The following MIPOL1 variants were observed in gnomAD, a reference collection of about 807,000 sequenced individuals.
The protein encoded by MIPOL1 is mirror-image polydactyly 1.
In MIPOL1, 57 loss-of-function variants were observed where a neutral mutation model predicts 60.9. The observed-to-expected ratio is 0.94, with a 90% CI of 0.76 to 1.17. MIPOL1 has a LOEUF of 1.17. Ranked by LOEUF, MIPOL1 falls within the 50% of genes most tolerant of loss-of-function variation. MIPOL1 has a pLI of 0.00. For missense variants in MIPOL1, 551 were observed against 511.6 expected, an observed-to-expected ratio of 1.08 and a Z score of -0.74; for synonymous variants, 179 against 168.8, an observed-to-expected ratio of 1.06 and a Z score of -0.47.
intron 6 of MIPOL1, among the ~76,000 whole-genome samples, chr14:37,280,267 G>A (rs1467759283): frequency 1.3e-5 from 2 of 152,062 alleles, no homozygotes; most frequent in Non-Finnish European, 2.9e-5. Flanking sequence ...TGTGAGTAAT[G>A]CTGCAGTGAA....
intron 10 of MIPOL1, among the ~76,000 whole-genome samples, chr14:37,402,412 A>T (rs544321178): frequency 1.3e-5 from 2 of 152,138 alleles, no homozygotes; most frequent in Non-Finnish European, 2.9e-5. Flanking sequence ...TAGGAAAAAG[A>T]TGTGAAAGAC....
rs545654949 is a variant in MIPOL1, at chr14:37,408,070, A to T, written c.937-14785A>T. ...TTATTTTTTGTGGAGACAGGCTCTT[A>T]CTATGTTGCCTGGGCTGGTCTAAAC... On this transcript the variant is annotated intron_variant, in intron 10 of 12. Transcript: ENST00000684589. Among the ~76,000 whole-genome samples the T allele has an allele frequency of 3.2e-4, 49 of 151,416 alleles. No homozygotes were observed. The South Asian group carries it at 0.01, about 31-fold the overall frequency.
At chr14:37,361,999 G>A (rs146770316) in intron 9 of MIPOL1, among the ~76,000 whole-genome samples, 2 of 152,206 alleles carry the variant, frequency 1.3e-5, no homozygotes, top group African/African-American at 4.8e-5. Context: ...TTTGAGCTAT[G>A]TGTGTCTCTG....
intron 3 of MIPOL1, among the ~76,000 whole-genome samples, chr14:37,266,425 T>A (rs1216130593): frequency 6.6e-6 from 1 of 152,150 alleles, no homozygotes; most frequent in East Asian, 1.9e-4. Context: ...AAAATCTGAA[T>A]GACAAAAGTT....
intron 12 of MIPOL1, among the ~76,000 whole-genome samples, chr14:37,525,447 A>G (rs2153633438): frequency 6.6e-6 from 1 of 152,340 alleles, no homozygotes; most frequent in Admixed American, 6.5e-5. Flanking sequence ...GTACCATAGA[A>G]TATAATCAAT....
chr14:37,538,905 G>A (rs2095518132), intron 12 of MIPOL1, among the ~76,000 whole-genome samples: 1 of 152,184 alleles, frequency 6.6e-6, no homozygotes, highest in Admixed American at 6.5e-5. Flanking sequence ...TTCCAGGCAA[G>A]GCTTATAGAA....
intron 6 of MIPOL1, chr14:37,276,260 T>C (rs1193079210): frequency 6.6e-6 from 1 of 150,996 alleles, no homozygotes; most frequent in Non-Finnish European, 1.5e-5. Context: ...TAGACTGATA[T>C]TTTGTAAATT....
intron 11 of MIPOL1, among the ~76,000 whole-genome samples, chr14:37,472,336 T>C (rs2094700070): frequency 6.6e-6 from 1 of 152,132 alleles, no homozygotes; most frequent in African/African-American, 2.4e-5. Flanking sequence ...GCAAAAGTAA[T>C]TTTTGCAAAA....
intron 1 of MIPOL1, among the ~76,000 whole-genome samples, chr14:37,245,976 T>A (rs1239069265): frequency 6.6e-6 from 1 of 152,126 alleles, no homozygotes; most frequent in Non-Finnish European, 1.5e-5. Context: ...AGGATGCATT[T>A]TTGTGTAGTA....
At chr14:37,267,315 C>G (rs1353705863) in intron 4 of MIPOL1, 146 bp downstream of exon 4, 1 of 593,240 alleles carries the variant, frequency 1.7e-6, no homozygotes, top group Non-Finnish European at 3.0e-6. Context: ...TGGTGAAACC[C>G]TGTCTCTACT....
At chr14:37,447,480 A>G (rs1225990553) in intron 11 of MIPOL1, among the ~76,000 whole-genome samples, 1 of 152,166 alleles carries the variant, frequency 6.6e-6, no homozygotes, top group Non-Finnish European at 1.5e-5. Context: ...ATAGAACCAA[A>G]TTAGACTGGT....
Position 37,238,786 on chromosome 14 carries a change from C to CAAAAAA in MIPOL1, c.-198-8304_-198-8299dup, listed in dbSNP as rs778152612. ...GCAACACGGTGAAACCCCACTTCTA[C>CAAAAAA]AAAAAAAAAAAAAAAAAATTAGATG... On this transcript the variant is annotated intron_variant, in intron 1 of 12. Transcript: ENST00000684589. 1.4e-4 allele frequency among the ~76,000 whole-genome samples: 12 copies of CAAAAAA among 86,902 alleles called. No homozygotes were observed. In the South Asian group the frequency reaches 3.6e-3, roughly 26 times the overall value. The allele number at this position is 86,902 out of a possible 152,430, so 57.0% of individuals were successfully genotyped here.
intron 5 of MIPOL1, among the ~76,000 whole-genome samples, chr14:37,270,123 C>G (rs1031645842): frequency 6.6e-6 from 1 of 152,146 alleles, no homozygotes; most frequent in Non-Finnish European, 1.5e-5. Flanking sequence ...GCAACCACAT[C>G]TGAACTGCAG....
chr14:37,478,573 T>C (rs1201849317), intron 11 of MIPOL1, among the ~76,000 whole-genome samples: 2 of 151,992 alleles, frequency 1.3e-5, no homozygotes, highest in East Asian at 3.9e-4. Context: ...TATCAATAAT[T>C]ACCATGAATT....
chr14:37,423,678 T>C (rs1388273921), intron 11 of MIPOL1: 1 of 152,094 alleles, frequency 6.6e-6, no homozygotes, highest in Non-Finnish European at 1.5e-5. Flanking sequence ...TCCTCAAGTC[T>C]GAAATGTAGG....
At chr14:37,448,848 G>A (rs1347113114) in intron 11 of MIPOL1, among the ~76,000 whole-genome samples, 3 of 152,126 alleles carry the variant, frequency 2.0e-5, no homozygotes, top group African/African-American at 7.2e-5. Context: ...CATATGTATG[G>A]AGGTCACTCA....
chr14:37,391,554 T>G lies in MIPOL1; in HGVS notation c.936+21930T>G, dbSNP rs555191540. Among the ~76,000 whole-genome samples the G allele has an allele frequency of 1.8e-3, 266 of 151,874 alleles. 1 individual carries two copies. The highest frequency in any genetic ancestry group is 6.0e-3 in the African/African-American group (248 of 41,454). On this transcript the variant is annotated intron_variant, in intron 10 of 12. Transcript: ENST00000684589. ...GGGACTACAGGTGCATGCCACCACG[T>G]CCAGCTAATTTTTTTATTTTTAGTA...
chr14:37,297,341 C>A (rs1489140339), intron 7 of MIPOL1, among the ~76,000 whole-genome samples: 2 of 152,162 alleles, frequency 1.3e-5, no homozygotes, highest in African/African-American at 4.8e-5. Flanking sequence ...AACCCACAGC[C>A]AGTATCATAC....
At chr14:37,460,828 C>T (rs141912123) in intron 11 of MIPOL1, among the ~76,000 whole-genome samples, 44 of 152,194 alleles carry the variant, frequency 2.9e-4, no homozygotes, top group African/African-American at 9.2e-4. Flanking sequence ...ACAAGGAGAA[C>T]TACAAAACAC....
Sources: allele counts gnomAD v4.1 joint callset (sites outside exome capture counted in the v4.1 genomes callset), GRCh38; gene constraint gnomAD v4.1.1; transcripts MANE v1.5; gene names NCBI Gene and HGNC (gene_info 2026-07-23, HGNC 2026-07-21).